The following SBNO2 variants were observed in gnomAD, a reference collection of about 807,000 sequenced individuals.
SBNO2 encodes the protein strawberry notch homolog 2.
A neutral mutation model predicts 146.3 loss-of-function variants in SBNO2; 89 were observed. That is an observed-to-expected ratio of 0.61 (90% CI 0.51 to 0.73). The LOEUF is 0.73. Among genes scored for constraint, SBNO2 ranks in the 30% least tolerant of loss-of-function variants. The probability of loss-of-function intolerance (pLI) is 0.00; values close to 1 mark genes in which losing one functional copy is unlikely to be tolerated. For synonymous variants in SBNO2, 1,147 were observed against 892.6 expected, an observed-to-expected ratio of 1.29 and a Z score of -5.08; for missense variants, 2,092 against 2,003.7, an observed-to-expected ratio of 1.04 and a Z score of -0.84.
Position 1,112,081 on chromosome 19 carries a change from G to T in SBNO2, c.2629-14C>A, listed in dbSNP as rs377550970. ...GGTCAGGGCCCCCTGCCAGGGGTGG[G>T]GAGGCCATCAGTTGGTCACCTGGGG... is the stretch of plus-strand genomic sequence containing the variant. On this transcript the variant is annotated splice_polypyrimidine_tract_variant and intron_variant, in intron 22 of 31. Transcript: ENST00000361757. This position sits in a 1 kb window ranked among gnomAD's most constrained non-coding sequence, Gnocchi z 5.9. The T allele has an allele frequency of 6.2e-7, 1 of 1,612,204 alleles. No homozygotes were observed. The highest frequency in any genetic ancestry group is 1.1e-5 in the South Asian group (1 of 91,010).
At chr19:1,160,615 C>T (rs774868964) in intron 1 of SBNO2, among the ~76,000 whole-genome samples, 4 of 152,170 alleles carry the variant, frequency 2.6e-5, no homozygotes, top group Non-Finnish European at 4.4e-5. Flanking sequence ...CTGCAGCCTT[C>T]GCCTCCTGGG....
rs936949918 is a variant in SBNO2 at position 1,136,323 on chromosome 19, C to G, written c.280-8558G>C. Among the ~76,000 whole-genome samples, 2 of 152,236 alleles carry G rather than the reference C, an allele frequency of 1.3e-5. No homozygotes were observed. The highest frequency in any genetic ancestry group is 4.8e-5 in the African/African-American group (2 of 41,468). On this transcript the variant is annotated intron_variant, in intron 4 of 31. Coordinates refer to ENST00000361757, the MANE Select transcript of SBNO2 (RefSeq NM_014963.3). The surrounding 1 kb of genome is among the most constrained non-coding windows in gnomAD (Gnocchi z 4.2). ...GAGGCTGGCACGGCTCCCCAGGAAA[C>G]TGGGCTCCCTTCTGTCAGGGTTCCG...
intron 4 of SBNO2, among the ~76,000 whole-genome samples, chr19:1,134,316 ACGGGTGGACCCACAGCTCC>A (rs1401554472): frequency 1.4e-5 from 2 of 146,874 alleles, no homozygotes; most frequent in Admixed American, 1.3e-4. Context: ...CCTACAGCTC[ACGGGTGGACCCACAGCTCC>A]CGGGTGGACC....
intron 4 of SBNO2, among the ~76,000 whole-genome samples, chr19:1,133,559 C>T (rs762134235): frequency 7.2e-5 from 11 of 152,248 alleles, no homozygotes; most frequent in Non-Finnish European, 1.0e-4. Flanking sequence ...CGCCCACACC[C>T]CTTGCCACGA....
chr19:1,113,081 T>G, intron 19 of SBNO2, 132 bp from the exon 20 acceptor site: 2 of 1,090,724 alleles, frequency 1.8e-6, no homozygotes, highest in Non-Finnish European at 2.5e-6. Flanking sequence ...GTGGGGGTGC[T>G]GGGAAAGGGA....
In SBNO2 at chr19:1,157,887, G is replaced by T. The variant is rs865889436; in HGVS notation, c.-126-3485C>A. ...TCCGGGTAACTGCATCTGCCTCCCA[G>T]CTCTCTCTCCTGAGTCCGGATAACT... On this transcript the variant is annotated intron_variant, in intron 1 of 31. Coordinates refer to ENST00000361757, the MANE Select transcript of SBNO2 (RefSeq NM_014963.3). The surrounding 1 kb of genome is among the most constrained non-coding windows in gnomAD (Gnocchi z 6.8). 9.7e-5 allele frequency among the ~76,000 whole-genome samples: 12 copies of T among 124,162 alleles called. No individual in the cohort carries two copies. Among genetic ancestry groups the T allele is most frequent in the Non-Finnish European group, 1.6e-4 (9 of 54,880 alleles). 81.5% of individuals were successfully genotyped at this position (124,162 alleles called of 152,430 possible). A position where few individuals can be genotyped will look rare whatever the true frequency, so the allele number is the denominator to read the frequency against.
intron 2 of SBNO2, among the ~76,000 whole-genome samples, chr19:1,151,483 C>T (rs1194943387): frequency 6.6e-6 from 1 of 152,220 alleles, no homozygotes; most frequent in Non-Finnish European, 1.5e-5. Flanking sequence ...TCCACACACA[C>T]CCGAGTCCCA....
Position 1,112,125 on chromosome 19 carries a change from A to C in SBNO2, c.2629-58T>G. The stretch of plus-strand genomic sequence containing the variant: ...CCTGGGGTCTGGCCTCTAGCACCCC[A>C]CAAAGCTTTGGAGAGCCTTCCTGGG... On this transcript the variant is annotated intron_variant, in intron 22 of 31. Transcript: ENST00000361757. The surrounding 1 kb of genome is among the most constrained non-coding windows in gnomAD (Gnocchi z 5.9). The C allele has an allele frequency of 6.2e-7, 1 of 1,605,454 alleles. No individual in the cohort carries two copies. Among genetic ancestry groups the C allele is most frequent in the Non-Finnish European group, 8.5e-7 (1 of 1,176,062 alleles).
intron 17 of SBNO2, 122 bp downstream of exon 17, chr19:1,115,899 G>T: frequency 1.2e-6 from 1 of 809,058 alleles, no homozygotes; most frequent in Non-Finnish European, 2.1e-6. Context: ...GCCTGGCACG[G>T]ACAGGACCTG....
At chr19:1,165,997 C>A (rs2080416303) in intron 1 of SBNO2, among the ~76,000 whole-genome samples, 1 of 151,598 alleles carries the variant, frequency 6.6e-6, no homozygotes, top group African/African-American at 2.4e-5. Flanking sequence ...GATCCCAGAC[C>A]CCAGATCCTA....
Position 1,136,188 on chromosome 19 carries a change from A to AGCG in SBNO2, c.280-8426_280-8424dup, listed in dbSNP as rs1246631855. Among the ~76,000 whole-genome samples the AGCG allele has an allele frequency of 6.6e-6, 1 of 151,942 alleles. No individual in the cohort carries two copies. The highest frequency in any genetic ancestry group is 1.5e-5 in the Non-Finnish European group (1 of 67,946). On this transcript the variant is annotated intron_variant, in intron 4 of 31. Coordinates refer to ENST00000361757, the MANE Select transcript of SBNO2 (RefSeq NM_014963.3). This position sits in a 1 kb window ranked among gnomAD's most constrained non-coding sequence, Gnocchi z 4.2. ...CCCAGATGCTGGAGGGGCCGGAAGG[A>AGCG]GCGCGGCCCTGTCCGCACCTTGACT...
At chr19:1,170,449 G>A (rs1413895960) in intron 1 of SBNO2, among the ~76,000 whole-genome samples, 1 of 152,172 alleles carries the variant, frequency 6.6e-6, no homozygotes, top group Non-Finnish European at 1.5e-5. Flanking sequence ...ACACTGCCGG[G>A]CGGACAGCGG....
In SBNO2 at chr19:1,119,514, A is replaced by G. The variant is rs368020272; in HGVS notation, c.1373+2T>C. 37 of 1,594,592 alleles carry G rather than the reference A, an allele frequency of 2.3e-5. No homozygotes were observed. The highest frequency in any genetic ancestry group is 3.0e-5 in the Non-Finnish European group (35 of 1,169,278). On this transcript the variant is annotated splice_donor_variant, in intron 13 of 31. Coordinates refer to ENST00000361757, the MANE Select transcript of SBNO2 (RefSeq NM_014963.3). LOFTEE classifies it high-confidence loss of function. The stretch of plus-strand genomic sequence containing the variant: ...CTCCACGTGGGTGAGAAGGGCACTC[A>G]CCTCTTCTCGATGGCGTGCAGGAAC...
At position 1,112,457 on chromosome 19, in the gene SBNO2, G is replaced by A. The variant is rs376700739; in HGVS notation, c.2460C>T (p.Arg820=). The change falls in exon 21 of 32, where the codon CGC becomes CGT. Residue 820 remains arginine, a synonymous_variant. Transcript: ENST00000361757. The surrounding 1 kb of genome is among the most constrained non-coding windows in gnomAD (Gnocchi z 5.9). ...ACGGCAGCTCCAAGGTCATGTGCAC[G>A]CGGCGCCGCTGGTTCTGGACACGGC... is the stretch of plus-strand genomic sequence containing the variant. ...ADRRVQNQRR[R]VHMTLELPWS... 1.5e-4 allele frequency: 244 copies of A among 1,607,674 alleles called. No individual in the cohort carries two copies. Among genetic ancestry groups the A allele is most frequent in the Non-Finnish European group, 2.0e-4 (237 of 1,178,736 alleles).
rs570997983 is a variant in SBNO2 at position 1,173,024 on chromosome 19, T to C, written c.-127+1148A>G. Among the ~76,000 whole-genome samples, 1 of 149,330 alleles carries C rather than the reference T, an allele frequency of 6.7e-6. No individual in the cohort carries two copies. Among genetic ancestry groups the C allele is most frequent in the Non-Finnish European group, 1.5e-5 (1 of 67,560 alleles). On this transcript the variant is annotated intron_variant, in intron 1 of 31. Transcript: ENST00000361757. This position sits in a 1 kb window ranked among gnomAD's most constrained non-coding sequence, Gnocchi z 4.7. ...TTTTTTTTTTAACTTTTCAGAATGT[T>C]AATCAGTTCATCCAGGGAGACACCC...
At chr19:1,131,926 G>A (rs955816701) in intron 4 of SBNO2, among the ~76,000 whole-genome samples, 4 of 152,242 alleles carry the variant, frequency 2.6e-5, no homozygotes, top group African/African-American at 4.8e-5. Flanking sequence ...ACTGCCAGAA[G>A]AGACGGACGG....
chr19:1,134,826 T>C (rs2080070834), intron 4 of SBNO2, among the ~76,000 whole-genome samples: 1 of 151,888 alleles, frequency 6.6e-6, no homozygotes, highest in Non-Finnish European at 1.5e-5. Flanking sequence ...GGTGGGTGGA[T>C]CACGAGGTCA....
In SBNO2 at chr19:1,111,990, C is replaced by CA. The variant is rs1287542555; in HGVS notation, c.2700+5dup. 6.2e-7 allele frequency: 1 copy of CA among 1,611,198 alleles called. No individual in the cohort carries two copies. Among genetic ancestry groups the CA allele is most frequent in the Non-Finnish European group, 8.5e-7 (1 of 1,179,366 alleles). ...CCGCCCCCCAACCCTGCCTTCCCTG[C>CA]AGTACCTTGTTCTCAAAGTTGTACT... On this transcript the variant is annotated splice_donor_region_variant and intron_variant, in intron 23 of 31. Transcript: ENST00000361757.
At position 1,132,812 on chromosome 19, in the gene SBNO2, CGGA is replaced by C. The variant is rs573176895; in HGVS notation, c.280-5050_280-5048del. On this transcript the variant is annotated intron_variant, in intron 4 of 31. Transcript: ENST00000361757. ...GTGGCCTCCCTTGATCTGGGGCTGG[CGGA>C]GGGAGAGCTGAGCCTGGGCCCCTCC... 2.0e-3 allele frequency among the ~76,000 whole-genome samples: 299 copies of C among 152,326 alleles called. 1 individual carries two copies. Among genetic ancestry groups the C allele is most frequent in the African/African-American group, 6.9e-3 (286 of 41,584 alleles).
Sources: gnomAD v4.1 joint callset for allele counts (sites outside exome capture counted in the v4.1 genomes callset) on GRCh38, gnomAD v4.1.1 for gene constraint, Gnocchi (gnomAD v3.1) non-coding constraint, MANE v1.5 for transcripts, NCBI Gene and HGNC (gene_info 2026-07-23, HGNC 2026-07-21) for gene names.